Variants in SMG1 observed in about 807,000 individuals in gnomAD.
SMG1 encodes the protein SMG1 nonsense mediated mRNA decay associated PI3K related kinase.
SMG1 carries 22 observed loss-of-function variants against 419.9 expected under a neutral mutation model. The observed-to-expected ratio is 0.05, with a 90% CI of 0.04 to 0.07. SMG1 has a LOEUF of 0.07. Ranked by LOEUF, SMG1 falls within the 10% of genes least tolerant of loss-of-function variation. The pLI, the probability that SMG1 is intolerant of heterozygous loss-of-function variation, is 1.00. For missense variants in SMG1, 3,185 were observed against 4,342.0 expected, an observed-to-expected ratio of 0.73 and a Z score of 7.49; for synonymous variants, 1,538 against 1,553.5, an observed-to-expected ratio of 0.99 and a Z score of 0.23.
intron 1 of SMG1, among the ~76,000 whole-genome samples, chr16:18,910,432 G>A (rs2037748288): frequency 6.6e-6 from 1 of 151,002 alleles, no homozygotes; most frequent in South Asian, 2.1e-4. Flanking sequence ...AGTTTCACCA[G>A]GTTGGTCAGG....
chr16:18,898,701 AAC>A (rs1232793568), intron 1 of SMG1, among the ~76,000 whole-genome samples: 3 of 152,232 alleles, frequency 2.0e-5, no homozygotes, highest in Non-Finnish European at 4.4e-5. Flanking sequence ...CTAATTCGGA[AAC>A]ACAAAGATAA....
intron 39 of SMG1, among the ~76,000 whole-genome samples, chr16:18,844,800 G>C (rs2141330603): frequency 6.6e-6 from 1 of 152,238 alleles, no homozygotes; most frequent in South Asian, 2.1e-4. Context: ...ACAGAGAAAA[G>C]AGGGAGGGAG....
intron 30 of SMG1, 84 bp from the exon 31 acceptor site, chr16:18,853,951 A>C: frequency 4.0e-6 from 5 of 1,253,876 alleles, no homozygotes; most frequent in African/African-American, 1.5e-5. Context: ...ACAAATATCA[A>C]CATGGTGATG....
chr16:18,838,545 T>A lies in SMG1; in HGVS notation c.7084+6A>T. ...CTCATAAATGTAAAGTCTACTTTTA[T>A]ATTACCTTTTTCAAAGCAAACATTG... is the stretch of plus-strand genomic sequence containing the variant. On this transcript the variant is annotated splice_donor_region_variant and intron_variant, in intron 43 of 62. Transcript: ENST00000446231. The A allele has an allele frequency of 1.2e-6, 2 of 1,613,838 alleles. No homozygotes were observed. The highest frequency in any genetic ancestry group is 1.7e-6 in the Non-Finnish European group (2 of 1,179,702).
Position 18,812,135 on chromosome 16 carries a change from GAA to G in SMG1, c.10622-10_10622-9del, listed in dbSNP as rs756512258. On this transcript the variant is annotated splice_polypyrimidine_tract_variant and intron_variant, in intron 60 of 62. Coordinates refer to ENST00000446231, the MANE Select transcript of SMG1 (RefSeq NM_015092.5). ...CAGTGTTACTCCGGACTGCTACAGA[GAA>G]AGAGTTGGTGGCTCAATTTACATGT... 1.9e-6 allele frequency: 3 copies of G among 1,607,218 alleles called. No homozygotes were observed. The highest frequency in any genetic ancestry group is 2.2e-5 in the East Asian group (1 of 44,870).
At chr16:18,893,622 A>C (rs540794513) in intron 3 of SMG1, among the ~76,000 whole-genome samples, 4 of 150,306 alleles carry the variant, frequency 2.7e-5, no homozygotes, top group Non-Finnish European at 4.4e-5. Flanking sequence ...TGTCTCAAAA[A>C]ACAAAACAAA....
At chr16:18,907,904 T>C (rs1346358077) in intron 1 of SMG1, among the ~76,000 whole-genome samples, 1 of 149,336 alleles carries the variant, frequency 6.7e-6, no homozygotes, top group East Asian at 2.0e-4. Context: ...GCATCACTTA[T>C]CTTCCCCTTT....
intron 13 of SMG1, among the ~76,000 whole-genome samples, chr16:18,874,429 G>C (rs1276876530): frequency 6.6e-6 from 1 of 151,640 alleles, no homozygotes; most frequent in African/African-American, 2.4e-5. Context: ...GTCAGCAACC[G>C]TGCCCAGCCC....
rs371413635 is a variant in SMG1, at chr16:18,834,411, C to T, written c.8358G>A (p.Ala2786=). The change falls in exon 50 of 63, where the codon GCG becomes GCA. Residue 2786 remains alanine, a synonymous_variant. Transcript: ENST00000446231. ...TRRNLMMEGA[A]SSAGEQLVDL... is the part of the protein sequence containing the mutation. ...CAACCAGCTGTTCTCCAGCACTTGA[C>T]GCTGCACCTTCCATCATCAGGTTAC... The T allele has an allele frequency of 1.3e-4, 207 of 1,613,552 alleles. No individual in the cohort carries two copies. The highest frequency in any genetic ancestry group is 6.6e-4 in the South Asian group (60 of 91,014).
At chr16:18,900,102 A>C (rs1442665271) in intron 1 of SMG1, 3 of 839,286 alleles carry the variant, frequency 3.6e-6, no homozygotes, top group African/African-American at 1.7e-5. Context: ...TTTGTTGTTC[A>C]AACATGGAGC....
chr16:18,882,640 T>G (rs977756668), intron 9 of SMG1, among the ~76,000 whole-genome samples: 1 of 152,198 alleles, frequency 6.6e-6, no homozygotes, highest in African/African-American at 2.4e-5. Flanking sequence ...TATGTAGGTA[T>G]AAATGAAGAC....
chr16:18,856,154 G>A (rs553469783), intron 29 of SMG1, among the ~76,000 whole-genome samples: 3 of 146,956 alleles, frequency 2.0e-5, no homozygotes, highest in Non-Finnish European at 3.0e-5. Flanking sequence ...AGGTGCCCTC[G>A]TTATTTGCTG....
At chr16:18,912,727 T>C (rs1233136558) in intron 1 of SMG1, among the ~76,000 whole-genome samples, 2 of 152,104 alleles carry the variant, frequency 1.3e-5, no homozygotes, top group African/African-American at 2.4e-5. Context: ...AAAAGGAACA[T>C]ATTAAAATCC....
intron 10 of SMG1, among the ~76,000 whole-genome samples, chr16:18,880,261 A>C (rs569628677): frequency 4.6e-5 from 7 of 152,200 alleles, no homozygotes; most frequent in East Asian, 1.9e-4. Flanking sequence ...TACACACACA[A>C]ACAAAATCCC....
At chr16:18,912,622 C>T (rs2037837327) in intron 1 of SMG1, among the ~76,000 whole-genome samples, 1 of 152,066 alleles carries the variant, frequency 6.6e-6, no homozygotes, top group Admixed American at 6.6e-5. Context: ...TAAAAGGTAT[C>T]TTTTACAAAA....
At chr16:18,908,476 CAAAAAAAAAAA>C (rs59890240) in intron 1 of SMG1, among the ~76,000 whole-genome samples, 6 of 83,708 alleles carry the variant, frequency 7.2e-5, no homozygotes, top group Admixed American at 2.7e-4. Flanking sequence ...GACTCCGTCT[CAAAAAAAAAAA>C]AAAAAAAAAA....
chr16:18,888,884 G>A (rs1364135096), intron 6 of SMG1, among the ~76,000 whole-genome samples: 8 of 145,888 alleles, frequency 5.5e-5, no homozygotes, highest in Non-Finnish European at 1.0e-4. Flanking sequence ...GTGCAGTGGC[G>A]TGATCTCGAC....
intron 21 of SMG1, 63 bp downstream of exon 21, chr16:18,868,460 G>A (rs1166407798): frequency 6.8e-7 from 1 of 1,472,082 alleles, no homozygotes; most frequent in Non-Finnish European, 9.3e-7. Flanking sequence ...TTTCAGCTCT[G>A]CACATACTGC....
intron 1 of SMG1, among the ~76,000 whole-genome samples, chr16:18,912,821 C>A (rs2037843217): frequency 6.6e-6 from 1 of 152,066 alleles, no homozygotes; most frequent in Non-Finnish European, 1.5e-5. Context: ...TAAACTACGA[C>A]TTCAGGTTGA....
Sources: gnomAD v4.1 joint callset for allele counts (sites outside exome capture counted in the v4.1 genomes callset) on GRCh38, gnomAD v4.1.1 for gene constraint, MANE v1.5 for transcripts, NCBI Gene and HGNC (gene_info 2026-07-23, HGNC 2026-07-21) for gene names.